The following GLI3 variants were observed in gnomAD, a reference collection of about 807,000 sequenced individuals.
GLI3 encodes the protein GLI family zinc finger 3, also known as transcription activator GLI3.
A neutral mutation model predicts 100.8 loss-of-function variants in GLI3; 20 were observed. The observed-to-expected ratio is 0.20, with a 90% CI of 0.14 to 0.29. GLI3 has a LOEUF of 0.29. GLI3 is among the 10% of genes least tolerant of loss of function. The pLI is 1.00. For missense variants in GLI3, 2,040 were observed against 2,128.5 expected (o/e 0.96, Z 0.82); for synonymous variants, 938 against 860.5 (o/e 1.09, Z -1.58).
intron 2 of GLI3, among the ~76,000 whole-genome samples, chr7:42,191,655 A>AATATAT (rs148053031): frequency 6.7e-6 from 1 of 148,750 alleles, no homozygotes; most frequent in African/African-American, 2.5e-5. Context: ...CGTTTCAAAA[A>AATATAT]ATATATATAT....
chr7:42,009,200 G>A (rs763901637), intron 10 of GLI3, among the ~76,000 whole-genome samples: 4 of 152,244 alleles, frequency 2.6e-5, no homozygotes, highest in African/African-American at 4.8e-5. Flanking sequence ...CTGAAGTCCC[G>A]TCAATCATAT....
At position 41,966,691 on chromosome 7, in the gene GLI3, C is replaced by T. The variant is rs1787195066; in HGVS notation, c.2432-50G>A. On this transcript the variant is annotated intron_variant, in intron 14 of 14. Transcript: ENST00000395925. The surrounding 1 kb of genome is among the most constrained non-coding windows in gnomAD (Gnocchi z 5.8). The stretch of plus-strand genomic sequence containing the variant: ...CATGCGGAGATGAATTCCCTTCGAG[C>T]ATGACTTACACCAGGCATGAGCAAC... 1 of 1,592,488 alleles carries T rather than the reference C, an allele frequency of 6.3e-7. No individual in the cohort carries two copies.
chr7:41,965,578 G>T lies in GLI3; in HGVS notation c.3495C>A (p.Val1165=), dbSNP rs752183617. The T allele has an allele frequency of 3.7e-6, 6 of 1,605,432 alleles. No individual in the cohort carries two copies. In the Admixed American group the frequency reaches 8.4e-5, roughly 22 times the overall value. Reference sequence around the variant, plus strand: ...AGGACAGGTCGGCGCTTCCGGAGCTGACTTCGTTCCACTGAATGGGCAGGT... The same window carrying T: ...AGGACAGGTCGGCGCTTCCGGAGCTTACTTCGTTCCACTGAATGGGCAGGT... ...KTDLPIQWNE[V]SSGSADLSSS... Residue 1165 remains valine (V), a synonymous_variant, in exon 15 of 15, where the codon GTC becomes GTA. Transcript: ENST00000395925.
At chr7:42,132,164 A>C (rs1213470916) in intron 3 of GLI3, among the ~76,000 whole-genome samples, 3 of 152,044 alleles carry the variant, frequency 2.0e-5, no homozygotes, top group East Asian at 1.9e-4. Flanking sequence ...GCAGTGGTTC[A>C]ATCTCGGCTC....
At chr7:42,261,200 A>AACACACAC (rs10524898) in intron 1 of GLI3, among the ~76,000 whole-genome samples, 6 of 147,334 alleles carry the variant, frequency 4.1e-5, no homozygotes, top group Non-Finnish European at 4.5e-5. Flanking sequence ...CACACACACA[A>AACACACAC]ACACACACAC....
intron 2 of GLI3, among the ~76,000 whole-genome samples, chr7:42,192,214 T>A (rs952491250): frequency 6.6e-6 from 1 of 151,742 alleles, no homozygotes; most frequent in African/African-American, 2.4e-5. Context: ...TGAGGCGGAG[T>A]TTAATGAGGT....
intron 10 of GLI3, among the ~76,000 whole-genome samples, chr7:41,984,091 G>C (rs1787747920): frequency 6.6e-6 from 1 of 152,174 alleles, no homozygotes; most frequent in Non-Finnish European, 1.5e-5. Context: ...TCTTTTAACG[G>C]AGTTTCTTTG....
intron 2 of GLI3, among the ~76,000 whole-genome samples, chr7:42,206,201 G>A (rs1788147503): frequency 6.6e-6 from 1 of 152,000 alleles, no homozygotes; most frequent in African/African-American, 2.4e-5. Flanking sequence ...CTGGGAGGTG[G>A]AGGTTGCAGT....
At chr7:42,060,706 G>T (rs534505834) in intron 4 of GLI3, among the ~76,000 whole-genome samples, 26 of 152,074 alleles carry the variant, frequency 1.7e-4, no homozygotes, top group African/African-American at 6.3e-4. Flanking sequence ...AAAATACAAG[G>T]CAAAATAGAA....
intron 2 of GLI3, among the ~76,000 whole-genome samples, chr7:42,167,018 G>C (rs1240545170): frequency 6.6e-6 from 1 of 152,032 alleles, no homozygotes; most frequent in Non-Finnish European, 1.5e-5. Flanking sequence ...GTAGAGACCG[G>C]GTTTCGCCAT....
chr7:42,118,123 C>T (rs1450318353), intron 3 of GLI3: 9 of 385,900 alleles, frequency 2.3e-5, no homozygotes, highest in South Asian at 1.5e-4. Context: ...ATACCAACTT[C>T]GGGTTTGCAA....
chr7:42,142,313 G>A (rs961774474), intron 3 of GLI3, among the ~76,000 whole-genome samples: 3 of 152,110 alleles, frequency 2.0e-5, no homozygotes, highest in African/African-American at 7.2e-5. Context: ...AATGGGAGCT[G>A]AGTCGTTGTA....
chr7:42,024,896 A>G (rs139922432), intron 9 of GLI3, among the ~76,000 whole-genome samples: 1 of 152,326 alleles, frequency 6.6e-6, no homozygotes, highest in African/African-American at 2.4e-5. Flanking sequence ...CAGGAGCTCA[A>G]TAATTCAGGC....
chr7:42,158,785 G>A lies in GLI3; in HGVS notation c.125-10317C>T, dbSNP rs570622740. ...AATTACAGGCGTGATGTGAGCCACC[G>A]CGCCCAGCTGAAGACTATTTTCATT... On this transcript the variant is annotated intron_variant, in intron 2 of 14. Coordinates refer to ENST00000395925, the MANE Select transcript of GLI3 (RefSeq NM_000168.6). Among the ~76,000 whole-genome samples the A allele has an allele frequency of 2.0e-5, 3 of 152,220 alleles. No homozygotes were observed. In the South Asian group the frequency reaches 6.2e-4, roughly 32 times the overall value.
At chr7:42,113,338 C>T (rs1785764424) in intron 3 of GLI3, 1 of 637,010 alleles carries the variant, frequency 1.6e-6, no homozygotes, top group Non-Finnish European at 2.9e-6. Context: ...TGCCCAGCAC[C>T]TACGTCCCGT....
chr7:42,252,068 C>G (rs953429113), intron 1 of GLI3, among the ~76,000 whole-genome samples: 1 of 152,110 alleles, frequency 6.6e-6, no homozygotes, highest in Non-Finnish European at 1.5e-5. Context: ...GCACTATTCA[C>G]AATAGCAAAG....
At chr7:42,246,294 C>A (rs1788971011) in intron 1 of GLI3, among the ~76,000 whole-genome samples, 1 of 152,148 alleles carries the variant, frequency 6.6e-6, no homozygotes, top group African/African-American at 2.4e-5. Flanking sequence ...GTCATGCTGC[C>A]AGGCCCAGAT....
intron 3 of GLI3, among the ~76,000 whole-genome samples, chr7:42,102,147 C>T (rs1189758429): frequency 2.0e-5 from 3 of 152,046 alleles, no homozygotes; most frequent in Non-Finnish European, 2.9e-5. Flanking sequence ...TGTAAACATA[C>T]GTGTGCATGT....
intron 2 of GLI3, among the ~76,000 whole-genome samples, chr7:42,150,979 G>A (rs145683801): frequency 1.8e-4 from 27 of 152,262 alleles, no homozygotes; most frequent in South Asian, 8.3e-4. Context: ...TTTTCTTAAT[G>A]AGAGTTCACC....
Sources: allele counts gnomAD v4.1 joint callset (sites outside exome capture counted in the v4.1 genomes callset), GRCh38; gene constraint gnomAD v4.1.1; non-coding constraint Gnocchi (gnomAD v3.1); transcripts MANE v1.5; gene names NCBI Gene and HGNC (gene_info 2026-07-23, HGNC 2026-07-21).